Variants in PDZRN4 observed in about 807,000 individuals in gnomAD.
PDZRN4 encodes the protein PDZ domain-containing RING finger protein 4.
PDZRN4 carries 70 observed loss-of-function variants against 99.0 expected under a neutral mutation model. The ratio of observed to expected loss-of-function variants is 0.71; its 90% CI spans 0.58 to 0.86. The LOEUF (loss-of-function observed/expected upper bound fraction) is 0.86. Among genes scored for constraint, PDZRN4 ranks in the 40% least tolerant of loss-of-function variants. The probability of loss-of-function intolerance (pLI) is 0.00; values close to 1 mark genes in which losing one functional copy is unlikely to be tolerated. For synonymous variants in PDZRN4, 551 were observed against 501.6 expected, an observed-to-expected ratio of 1.10 and a Z score of -1.32; for missense variants, 1,474 against 1,331.2, an observed-to-expected ratio of 1.11 and a Z score of -1.67.
intron 3 of PDZRN4, among the ~76,000 whole-genome samples, chr12:41,503,329 T>A (rs1260762547): frequency 6.6e-6 from 1 of 152,258 alleles, no homozygotes; most frequent in East Asian, 1.9e-4. Context: ...CTGTCCTTTT[T>A]TTAAGATTGT....
chr12:41,535,255 T>C (rs1208493388), intron 5 of PDZRN4, among the ~76,000 whole-genome samples: 1 of 152,248 alleles, frequency 6.6e-6, no homozygotes, highest in Admixed American at 6.5e-5. Flanking sequence ...TCTTTGTGTA[T>C]TTTGTGAAAT....
chr12:41,485,724 T>A (rs1937762409), intron 3 of PDZRN4, among the ~76,000 whole-genome samples: 1 of 152,200 alleles, frequency 6.6e-6, no homozygotes, highest in Admixed American at 6.6e-5. Flanking sequence ...CGATGAGTCA[T>A]TCTTGTTCTC....
intron 3 of PDZRN4, among the ~76,000 whole-genome samples, chr12:41,234,630 A>G (rs1951053116): frequency 6.6e-6 from 1 of 152,130 alleles, no homozygotes; most frequent in African/African-American, 2.4e-5. Flanking sequence ...GTTCATCTAA[A>G]TGTACATATT....
Position 41,409,186 on chromosome 12 carries a change from T to C in PDZRN4, c.844-97270T>C, listed in dbSNP as rs12312124. Among the ~76,000 whole-genome samples the C allele has an allele frequency of 6.7e-3, 1,013 of 152,270 alleles. 11 individuals are homozygous for C. Among genetic ancestry groups the C allele is most frequent in the African/African-American group, 0.023 (967 of 41,548 alleles). On this transcript the variant is annotated intron_variant, in intron 3 of 9. Coordinates refer to ENST00000402685, the MANE Select transcript of PDZRN4 (RefSeq NM_001164595.2). Reference sequence around the variant, plus strand: ...AAATAAAGGGAATTTATCATACTTTTAGAAAACAAAAATACCTCTTATTTT... The same window carrying C: ...AAATAAAGGGAATTTATCATACTTTCAGAAAACAAAAATACCTCTTATTTT...
chr12:41,392,658 A>G (rs1482891309), intron 3 of PDZRN4, among the ~76,000 whole-genome samples: 2 of 152,210 alleles, frequency 1.3e-5, no homozygotes, highest in Non-Finnish European at 2.9e-5. Flanking sequence ...TCACCTATTG[A>G]ATCCTATTGG....
At position 41,374,116 on chromosome 12, in the gene PDZRN4, G is replaced by T. The variant is rs566802762; in HGVS notation, c.844-132340G>T. ...AGAGCTCTTTGGCTACCTCCTTGAG[G>T]ACAGGTCTTTGCAGTGTTTTAGGAA... On this transcript the variant is annotated intron_variant, in intron 3 of 9. Coordinates refer to ENST00000402685, the MANE Select transcript of PDZRN4 (RefSeq NM_001164595.2). Among the ~76,000 whole-genome samples, 9 of 151,884 alleles carry T rather than the reference G, an allele frequency of 5.9e-5. No homozygotes were observed. The South Asian group carries it at 1.7e-3, about 28-fold the overall frequency.
At chr12:41,256,667 A>C (rs1225499400) in intron 3 of PDZRN4, among the ~76,000 whole-genome samples, 1 of 152,178 alleles carries the variant, frequency 6.6e-6, no homozygotes, top group Non-Finnish European at 1.5e-5. Flanking sequence ...GAACTAAGAC[A>C]CACATTCATT....
At chr12:41,289,398 A>T (rs920031161) in intron 3 of PDZRN4, among the ~76,000 whole-genome samples, 3 of 152,186 alleles carry the variant, frequency 2.0e-5, no homozygotes, top group African/African-American at 7.2e-5. Context: ...TGTGATTTTC[A>T]TACAAAAGAC....
At chr12:41,377,631 T>C (rs539103024) in intron 3 of PDZRN4, among the ~76,000 whole-genome samples, 120 of 152,132 alleles carry the variant, frequency 7.9e-4, no homozygotes, top group South Asian at 6.4e-3. Context: ...GCCACTGCAC[T>C]CCAGCCTGGT....
At chr12:41,282,024 A>G (rs1951388921) in intron 3 of PDZRN4, among the ~76,000 whole-genome samples, 3 of 152,238 alleles carry the variant, frequency 2.0e-5, no homozygotes, top group African/African-American at 7.2e-5. Flanking sequence ...ACATAACAAT[A>G]TTAACCTTAA....
chr12:41,363,534 A>G (rs1951977106), intron 3 of PDZRN4, among the ~76,000 whole-genome samples: 1 of 152,064 alleles, frequency 6.6e-6, no homozygotes, highest in Non-Finnish European at 1.5e-5. Context: ...TTTGGGATGC[A>G]TCTGTTCCAG....
At position 41,506,517 on chromosome 12, in the gene PDZRN4, C is replaced by T. The variant is rs761778637; in HGVS notation, c.905C>T (p.Ala302Val). 6.2e-7 allele frequency: 1 copy of T among 1,613,702 alleles called. No homozygotes were observed. The highest frequency in any genetic ancestry group is 1.7e-5 in the Admixed American group (1 of 59,980). The part of the protein sequence containing the change: ...HEEAVEAFRN[A>V]KEPIVVQVLR... ...GAGGCAGTGGAAGCTTTTCGCAATGCCAAGGAGCCCATTGTGGTGCAGGTG... is the reference window on the plus strand; with the variant it reads ...GAGGCAGTGGAAGCTTTTCGCAATGTCAAGGAGCCCATTGTGGTGCAGGTG... The change falls in exon 4 of 10, where the codon GCC becomes GTC. Residue 302 changes from alanine (A) to valine (V), a missense_variant. By Grantham distance (64) the Ala-to-Val change is moderately conservative. Coordinates refer to ENST00000402685, the MANE Select transcript of PDZRN4 (RefSeq NM_001164595.2).
At chr12:41,348,566 T>G (rs1238998754) in intron 3 of PDZRN4, among the ~76,000 whole-genome samples, 2 of 152,090 alleles carry the variant, frequency 1.3e-5, no homozygotes, top group Non-Finnish European at 2.9e-5. Context: ...GTTCTTGATG[T>G]AGTAGTAAAA....
chr12:41,262,614 A>G (rs1298263968), intron 3 of PDZRN4, among the ~76,000 whole-genome samples: 2 of 152,224 alleles, frequency 1.3e-5, no homozygotes, highest in Non-Finnish European at 2.9e-5. Context: ...TTGTGATGAT[A>G]TTTGAAGGAA....
In PDZRN4 at chr12:41,573,566, T is replaced by C; in HGVS notation, c.2787T>C (p.Asp929=). 4.3e-6 allele frequency: 7 copies of C among 1,612,658 alleles called. No individual in the cohort carries two copies. The highest frequency in any genetic ancestry group is 5.9e-6 in the Non-Finnish European group (7 of 1,179,568). Residue 929 remains aspartate, a synonymous_variant, in exon 10 of 10, where the codon GAT becomes GAC. Transcript: ENST00000402685. ...KEERSGMTTD[D]DTMSEMKMGR... ...AGCGGAGTGGCATGACCACAGACGA[T>C]GACACCATGAGCGAGATGAAAATGG...
intron 3 of PDZRN4, among the ~76,000 whole-genome samples, chr12:41,443,157 G>C (rs1174630491): frequency 6.6e-6 from 1 of 152,110 alleles, no homozygotes; most frequent in Non-Finnish European, 1.5e-5. Context: ...GAAATGCACA[G>C]TCTGGTAGCA....
At chr12:41,233,802 C>T (rs982309725) in intron 3 of PDZRN4, among the ~76,000 whole-genome samples, 14 of 149,958 alleles carry the variant, frequency 9.3e-5, no homozygotes, top group Non-Finnish European at 1.5e-4. Context: ...GTGGGGGGAG[C>T]GGGGGGGAGA....
intron 3 of PDZRN4, among the ~76,000 whole-genome samples, chr12:41,283,076 G>T (rs1472799335): frequency 8.1e-5 from 10 of 123,506 alleles, no homozygotes; most frequent in African/African-American, 2.6e-4. Flanking sequence ...AAAAATCAAT[G>T]AATCCAGGGG....
At chr12:41,464,461 A>G (rs1952906145) in intron 3 of PDZRN4, among the ~76,000 whole-genome samples, 1 of 152,232 alleles carries the variant, frequency 6.6e-6, no homozygotes, top group African/African-American at 2.4e-5. Flanking sequence ...GGGAAGAGCC[A>G]GTCTAGACAT....
Sources: gnomAD v4.1 joint callset for allele counts (sites outside exome capture counted in the v4.1 genomes callset) on GRCh38, gnomAD v4.1.1 for gene constraint, MANE v1.5 for transcripts, NCBI Gene and HGNC (gene_info 2026-07-23, HGNC 2026-07-21) for gene names.